The following MALRD1 variants were observed in gnomAD, a reference collection of about 807,000 sequenced individuals.
MALRD1 encodes MAM and LDL receptor class A domain containing 1.
Under a neutral mutation model 242.1 loss-of-function variants are expected in MALRD1, and 247 were observed. That is an observed-to-expected ratio of 1.02 (90% CI 0.92 to 1.13). MALRD1 has a LOEUF of 1.13. Among genes scored for constraint, MALRD1 ranks in the 50% most tolerant of loss-of-function variants. The pLI is 0.00. For synonymous variants in MALRD1, 995 were observed against 866.6 expected, an observed-to-expected ratio of 1.15 and a Z score of -2.60; for missense variants, 2,989 against 2,533.1, an observed-to-expected ratio of 1.18 and a Z score of -3.86.
intron 31 of MALRD1, among the ~76,000 whole-genome samples, chr10:19,530,358 T>A (rs1313651415): frequency 3.8e-5 from 4 of 106,304 alleles, no homozygotes; most frequent in Admixed American, 3.0e-4. Context: ...ATATATAATA[T>A]TTATATAAAT....
intron 27 of MALRD1, 32 bp downstream of exon 27, chr10:19,387,805 C>A: frequency 6.5e-7 from 1 of 1,532,778 alleles, no homozygotes. Context: ...ATTGCTTTCA[C>A]ATGATTTTCA....
intron 12 of MALRD1, among the ~76,000 whole-genome samples, chr10:19,164,224 T>A (rs1247472324): frequency 6.6e-6 from 1 of 152,196 alleles, no homozygotes; most frequent in Non-Finnish European, 1.5e-5. Context: ...AAGTAGACAT[T>A]GATAAAAATG....
intron 36 of MALRD1, among the ~76,000 whole-genome samples, chr10:19,639,176 A>G (rs980160340): frequency 6.6e-6 from 1 of 152,248 alleles, no homozygotes; most frequent in Non-Finnish European, 1.5e-5. Flanking sequence ...AAAGAAAAAT[A>G]AAATAGTCTT....
intron 31 of MALRD1, among the ~76,000 whole-genome samples, chr10:19,529,904 T>A (rs1479649662): frequency 6.6e-6 from 1 of 152,048 alleles, no homozygotes; most frequent in Non-Finnish European, 1.5e-5. Flanking sequence ...AGATCATTAC[T>A]CCAAGAAGAC....
chr10:19,643,743 G>A (rs553987923), intron 36 of MALRD1, among the ~76,000 whole-genome samples: 1 of 152,218 alleles, frequency 6.6e-6, no homozygotes, highest in East Asian at 1.9e-4. Flanking sequence ...CTTCCTTGAA[G>A]CATGCATTGC....
At chr10:19,511,846 A>G (rs1162050601) in intron 31 of MALRD1, among the ~76,000 whole-genome samples, 1 of 152,142 alleles carries the variant, frequency 6.6e-6, no homozygotes. Context: ...AGAAACACAG[A>G]GAAAAAATAA....
chr10:19,419,898 G>C (rs1444530487), intron 28 of MALRD1, among the ~76,000 whole-genome samples: 1 of 151,670 alleles, frequency 6.6e-6, no homozygotes, highest in Non-Finnish European at 1.5e-5. Flanking sequence ...TATTAGGAAA[G>C]GAAAAAAATA....
intron 18 of MALRD1, among the ~76,000 whole-genome samples, chr10:19,218,318 G>A (rs573933349): frequency 1.3e-5 from 2 of 152,168 alleles, no homozygotes; most frequent in East Asian, 1.9e-4. Flanking sequence ...AGTTTTGGTG[G>A]AACCCTGAAT....
chr10:19,202,778 A>G (rs1836598142), intron 14 of MALRD1, among the ~76,000 whole-genome samples: 1 of 152,036 alleles, frequency 6.6e-6, no homozygotes, highest in Admixed American at 6.6e-5. Flanking sequence ...TTCAGATTAT[A>G]CCTTTTTGCT....
At chr10:19,556,755 A>G (rs980694216) in intron 32 of MALRD1, among the ~76,000 whole-genome samples, 1 of 152,164 alleles carries the variant, frequency 6.6e-6, no homozygotes, top group African/African-American at 2.4e-5. Flanking sequence ...ATAAACATTC[A>G]GCACATCTGG....
chr10:19,555,600 G>C (rs771664625), intron 32 of MALRD1, among the ~76,000 whole-genome samples: 4 of 152,162 alleles, frequency 2.6e-5, no homozygotes, highest in Non-Finnish European at 5.9e-5. Context: ...GCAAAGAGTA[G>C]TGAGAAGATA....
At chr10:19,481,717 C>T (rs1228709601) in intron 29 of MALRD1, among the ~76,000 whole-genome samples, 2 of 151,984 alleles carry the variant, frequency 1.3e-5, no homozygotes, top group African/African-American at 4.8e-5. Context: ...TAAGGAAACT[C>T]AAAAAGGAAT....
At chr10:19,489,071 C>T (rs1043828095) in intron 29 of MALRD1, 6 of 459,392 alleles carry the variant, frequency 1.3e-5, no homozygotes, top group Middle Eastern at 3.2e-4. Flanking sequence ...CGCCAGGCAC[C>T]GCGCACGCGC....
chr10:19,360,276 G>T (rs1844833169), intron 26 of MALRD1, among the ~76,000 whole-genome samples: 2 of 152,152 alleles, frequency 1.3e-5, no homozygotes, highest in Non-Finnish European at 2.9e-5. Flanking sequence ...AATGGCCAGG[G>T]ATGAACTGGG....
intron 33 of MALRD1, among the ~76,000 whole-genome samples, chr10:19,580,601 C>T (rs983985868): frequency 3.9e-5 from 6 of 152,262 alleles, no homozygotes; most frequent in Middle Eastern, 3.4e-3. Context: ...ATACAAATCA[C>T]GTATACATAC....
intron 26 of MALRD1, among the ~76,000 whole-genome samples, chr10:19,373,654 T>C (rs1429126374): frequency 6.6e-6 from 1 of 152,188 alleles, no homozygotes; most frequent in Non-Finnish European, 1.5e-5. Flanking sequence ...GGATGTGTCT[T>C]GTCATTAAGT....
chr10:19,211,786 CAT>C (rs1232478249), intron 18 of MALRD1, among the ~76,000 whole-genome samples: 9 of 145,070 alleles, frequency 6.2e-5, no homozygotes, highest in African/African-American at 1.8e-4. Context: ...GATGGATGGA[CAT>C]AGTTTCTGTT....
At chr10:19,445,732 G>A (rs1427498337) in intron 28 of MALRD1, among the ~76,000 whole-genome samples, 1 of 152,194 alleles carries the variant, frequency 6.6e-6, no homozygotes, top group Non-Finnish European at 1.5e-5. Context: ...TCCCACTTAG[G>A]CTACTTGGGC....
chr10:19,097,111 C>T (rs10826941), intron 4 of MALRD1, among the ~76,000 whole-genome samples: 27,474 of 152,078 alleles, frequency 0.18, 2,879 homozygotes, highest in Non-Finnish European at 0.24. Flanking sequence ...ATGTTTACTT[C>T]TTTGGATACA....
Sources: gnomAD v4.1 joint callset for allele counts (sites outside exome capture counted in the v4.1 genomes callset) on GRCh38, gnomAD v4.1.1 for gene constraint, MANE v1.5 for transcripts, NCBI Gene and HGNC (gene_info 2026-07-23, HGNC 2026-07-21) for gene names.